FHOD3: variants seen among roughly 807,000 people sequenced by gnomAD.
FHOD3 encodes the protein formin homology 2 domain containing 3.
A neutral mutation model predicts 173.0 loss-of-function variants in FHOD3; 90 were observed. The ratio of observed to expected loss-of-function variants is 0.52; its 90% CI spans 0.44 to 0.62. FHOD3 has a LOEUF of 0.62. Ranked by LOEUF, FHOD3 falls within the 20% of genes least tolerant of loss-of-function variation. The probability of loss-of-function intolerance (pLI) is 0.00; values close to 1 mark genes in which losing one functional copy is unlikely to be tolerated. For missense variants in FHOD3, 1,945 were observed against 2,034.7 expected, an observed-to-expected ratio of 0.96 and a Z score of 0.85; for synonymous variants, 828 against 823.0, an observed-to-expected ratio of 1.01 and a Z score of -0.10.
chr18:36,369,492 CACACACAT>C lies in FHOD3; in HGVS notation c.273-3186_273-3179del, dbSNP rs1244449934. Among the ~76,000 whole-genome samples the C allele has an allele frequency of 1.3e-3, 154 of 119,120 alleles. 1 individual carries two copies. The highest frequency in any genetic ancestry group is 1.9e-3 in the Admixed American group (21 of 11,274). The allele number at this position is 119,120 out of a possible 152,430, so 78.1% of individuals were successfully genotyped here. A position where few individuals can be genotyped will look rare whatever the true frequency, so the allele number is the denominator to read the frequency against. The stretch of plus-strand genomic sequence containing the variant: ...ACACACACACACACACACACACACA[CACACACAT>C]ATATATAGAGAGAGAGAGAGAGAGA... On this transcript the variant is annotated intron_variant, in intron 2 of 28. Coordinates refer to ENST00000590592, the MANE Select transcript of FHOD3 (RefSeq NM_001281740.3).
At chr18:36,511,357 G>GTTTTTTT (rs760692797) in intron 4 of FHOD3, among the ~76,000 whole-genome samples, 65 of 143,516 alleles carry the variant, frequency 4.5e-4, no homozygotes, top group Middle Eastern at 3.6e-3. Context: ...TCTTGCCAAT[G>GTTTTTTT]TTTTTTTTTT....
intron 10 of FHOD3, among the ~76,000 whole-genome samples, chr18:36,628,276 C>G (rs1207141701): frequency 6.6e-6 from 1 of 152,130 alleles, no homozygotes; most frequent in Non-Finnish European, 1.5e-5. Flanking sequence ...GGACTAAGGG[C>G]TATGACCAAG....
At chr18:36,594,050 C>A (rs2029881966) in intron 6 of FHOD3, among the ~76,000 whole-genome samples, 2 of 152,298 alleles carry the variant, frequency 1.3e-5, no homozygotes, top group South Asian at 4.1e-4. Context: ...ACCCAGAGAC[C>A]CCAAGGCTGC....
At chr18:36,597,601 T>A (rs1259302711) in intron 7 of FHOD3, among the ~76,000 whole-genome samples, 2 of 152,128 alleles carry the variant, frequency 1.3e-5, no homozygotes, top group Non-Finnish European at 2.9e-5. Context: ...TAATTTTTTG[T>A]ATTTTTAGTA....
intron 3 of FHOD3, among the ~76,000 whole-genome samples, chr18:36,400,845 A>G (rs2048772528): frequency 6.6e-6 from 1 of 152,170 alleles, no homozygotes; most frequent in Non-Finnish European, 1.5e-5. Flanking sequence ...CCCATCCCGG[A>G]AGCAGAATAA....
In FHOD3 at chr18:36,732,839, G is replaced by A. The variant is rs555152446; in HGVS notation, c.3576+2035G>A. On this transcript the variant is annotated intron_variant, in intron 20 of 28. Coordinates refer to ENST00000590592, the MANE Select transcript of FHOD3 (RefSeq NM_001281740.3). ...TTGGGTGGACCTGGATGTACCAAGT[G>A]CAAAGCGTGTCCCCGCAGACCCTAA... Among the ~76,000 whole-genome samples the A allele has an allele frequency of 3.8e-4, 58 of 152,300 alleles. 1 individual carries two copies. The highest frequency in any genetic ancestry group is 1.2e-3 in the African/African-American group (51 of 41,560).
intron 28 of FHOD3, among the ~76,000 whole-genome samples, chr18:36,776,733 C>T (rs1203733272): frequency 6.6e-6 from 1 of 152,090 alleles, no homozygotes; most frequent in Non-Finnish European, 1.5e-5. Flanking sequence ...ACACATGAGC[C>T]CAGACCAGAG....
rs759204801 is a variant in FHOD3, at chr18:36,612,081, C to A, written c.943C>A (p.Leu315Ile). ...GACTGACCTGGACTTAGTGGAGCAACTCAACATTTATGAGGTACCAGACCA... is the reference window on the plus strand; with the variant it reads ...GACTGACCTGGACTTAGTGGAGCAAATCAACATTTATGAGGTACCAGACCA... ...KGTDLDLVEQ[L>I]NIYEVALRHE... is the part of the protein sequence containing the mutation. The change falls in exon 9 of 29, where the codon CTC becomes ATC. Residue 315 changes from leucine (L) to isoleucine (I), a missense_variant. By Grantham distance (5) the Leu-to-Ile change is conservative. This residue lies in a region of FHOD3 where 1,099 missense variants were observed against 1,051.2 expected (regional missense o/e 1.05). Transcript: ENST00000590592. 1.2e-6 allele frequency: 2 copies of A among 1,613,834 alleles called. No homozygotes were observed. The highest frequency in any genetic ancestry group is 1.3e-5 in the African/African-American group (1 of 75,010).
chr18:36,428,401 A>C (rs2050364152), intron 3 of FHOD3, among the ~76,000 whole-genome samples: 1 of 152,128 alleles, frequency 6.6e-6, no homozygotes. Context: ...CCCTTCCTCC[A>C]TCTTTGGAGG....
At chr18:36,428,324 C>T (rs945253375) in intron 3 of FHOD3, among the ~76,000 whole-genome samples, 3 of 152,114 alleles carry the variant, frequency 2.0e-5, no homozygotes, top group Admixed American at 6.6e-5. Context: ...GTGTAGTAAG[C>T]GTTAAAGGAT....
chr18:36,643,478 G>GTAT (rs932381077), intron 10 of FHOD3, among the ~76,000 whole-genome samples: 8 of 152,206 alleles, frequency 5.3e-5, no homozygotes, highest in Admixed American at 5.2e-4. Context: ...CTGCCCTAGG[G>GTAT]TATAGCAATA....
chr18:36,342,891 A>G (rs2045694115), intron 1 of FHOD3, among the ~76,000 whole-genome samples: 1 of 152,262 alleles, frequency 6.6e-6, no homozygotes, highest in African/African-American at 2.4e-5. Flanking sequence ...CAGAAAAGAT[A>G]TATACATGCC....
intron 3 of FHOD3, among the ~76,000 whole-genome samples, chr18:36,476,399 G>A (rs1431521753): frequency 6.6e-6 from 1 of 152,228 alleles, no homozygotes; most frequent in Admixed American, 6.5e-5. Context: ...AGGACTGTGG[G>A]ATGGGGCCTG....
intron 5 of FHOD3, among the ~76,000 whole-genome samples, chr18:36,561,451 G>A (rs540128458): frequency 1.9e-4 from 29 of 152,314 alleles, no homozygotes; most frequent in African/African-American, 6.5e-4. Flanking sequence ...TAGAGCACAC[G>A]TCCAAGTCAG....
intron 9 of FHOD3, 29 bp downstream of exon 9, chr18:36,612,124 C>A (rs73948089): frequency 6.2e-7 from 1 of 1,604,748 alleles, no homozygotes; most frequent in Non-Finnish European, 8.5e-7. Flanking sequence ...TGTAAGGTAT[C>A]GTACAGCTTT....
intron 5 of FHOD3, among the ~76,000 whole-genome samples, chr18:36,540,382 C>T (rs1485484276): frequency 6.6e-6 from 1 of 152,200 alleles, no homozygotes; most frequent in Non-Finnish European, 1.5e-5. Flanking sequence ...GTTTCCGTGT[C>T]AGACATCCTT....
intron 9 of FHOD3, among the ~76,000 whole-genome samples, chr18:36,621,481 T>C (rs1472882841): frequency 6.6e-6 from 1 of 152,146 alleles, no homozygotes; most frequent in Non-Finnish European, 1.5e-5. Context: ...GTGAGCTGAG[T>C]GGTCTAAGAC....
chr18:36,739,949 G>A (rs1473786065), intron 20 of FHOD3, among the ~76,000 whole-genome samples: 1 of 152,012 alleles, frequency 6.6e-6, no homozygotes, highest in Non-Finnish European at 1.5e-5. Context: ...TTTCTTTTAT[G>A]TGCCTGGCTA....
chr18:36,595,280 G>C (rs1274690221), intron 7 of FHOD3, among the ~76,000 whole-genome samples: 1 of 151,960 alleles, frequency 6.6e-6, no homozygotes, highest in African/African-American at 2.4e-5. Context: ...GATGTTTCTA[G>C]AACCTTCTCC....
Sources: allele counts gnomAD v4.1 joint callset (sites outside exome capture counted in the v4.1 genomes callset), GRCh38; gene constraint gnomAD v4.1.1; regional missense constraint gnomAD v4.1.1; transcripts MANE v1.5; gene names NCBI Gene and HGNC (gene_info 2026-07-23, HGNC 2026-07-21).